SLC13A4: variants seen among roughly 807,000 people sequenced by gnomAD.
SLC13A4 encodes Na(+)/sulfate cotransporter SUT-1.
Under a neutral mutation model 72.7 loss-of-function variants are expected in SLC13A4, and 28 were observed. The observed-to-expected ratio is 0.39, with a 90% confidence interval of 0.29 to 0.53. SLC13A4 has a LOEUF of 0.53. Among genes scored for constraint, SLC13A4 ranks in the 20% least tolerant of loss-of-function variants. SLC13A4 has a pLI of 0.78. For synonymous variants in SLC13A4, 312 were observed against 325.5 expected, an observed-to-expected ratio of 0.96 and a Z score of 0.45; for missense variants, 653 against 788.0, an observed-to-expected ratio of 0.83 and a Z score of 2.05.
intron 14 of SLC13A4, among the ~76,000 whole-genome samples, chr7:135,684,646 GT>G (rs534173554): frequency 0.053 from 7,075 of 132,392 alleles, 187 homozygotes; most frequent in Middle Eastern, 0.11. Flanking sequence ...AACTAAGGTG[GT>G]TTTTTTTTTT....
rs202242542 is a variant in SLC13A4, at chr7:135,682,907, AG to A, written c.1747-1208del. On this transcript the variant is annotated intron_variant, in intron 15 of 15. Coordinates refer to ENST00000682651, the MANE Select transcript of SLC13A4 (RefSeq NM_001318192.2). ...GGTAGAGCTCAGCGTGAGCAGACTG[AG>A]GGTTACGCAGTAAGATGGGAGGGGA... Among the ~76,000 whole-genome samples the A allele has an allele frequency of 4.5e-4, 69 of 152,250 alleles. 1 individual carries two copies. The East Asian group carries it at 0.012, about 26-fold the overall frequency.
intron 15 of SLC13A4, chr7:135,683,420 G>T (rs1795549938): frequency 1.0e-6 from 1 of 983,900 alleles, no homozygotes; most frequent in African/African-American, 1.8e-5. Context: ...AACAAATTTG[G>T]CTCCCATGAA....
intron 15 of SLC13A4, chr7:135,683,326 GA>G: frequency 3.3e-5 from 11 of 332,820 alleles, no homozygotes; most frequent in Non-Finnish European, 4.1e-5. Flanking sequence ...AAAAAAAAAG[GA>G]TAAAAAAGGA....
intron 7 of SLC13A4, among the ~76,000 whole-genome samples, chr7:135,699,934 CAG>C (rs1446553842): frequency 6.6e-6 from 1 of 152,136 alleles, no homozygotes; most frequent in East Asian, 1.9e-4. Flanking sequence ...GAATAACAAA[CAG>C]ATGTTATTCC....
intron 1 of SLC13A4, among the ~76,000 whole-genome samples, chr7:135,724,870 C>G (rs1313144849): frequency 6.6e-6 from 1 of 152,150 alleles, no homozygotes; most frequent in African/African-American, 2.4e-5. Flanking sequence ...AGGAGGTAAG[C>G]TTGTATTCAG....
At chr7:135,726,323 G>A (rs538698721) in intron 1 of SLC13A4, among the ~76,000 whole-genome samples, 4 of 152,280 alleles carry the variant, frequency 2.6e-5, no homozygotes, top group African/African-American at 7.2e-5. Context: ...CGTCTCCCTG[G>A]CACTCTGGAG....
intron 1 of SLC13A4, among the ~76,000 whole-genome samples, chr7:135,725,944 G>A (rs749206529): frequency 2.0e-5 from 3 of 152,162 alleles, no homozygotes; most frequent in Non-Finnish European, 4.4e-5. Context: ...ACTCCGGACT[G>A]GGTGACAGAG....
rs1471915506 is a variant in SLC13A4, at chr7:135,692,305, G to A, written c.1223+18C>T. The A allele has an allele frequency of 1.9e-6, 3 of 1,573,956 alleles. No individual in the cohort carries two copies. Among genetic ancestry groups the A allele is most frequent in the Middle Eastern group, 1.7e-4 (1 of 5,992 alleles). ...GGGGTGAGGGGGTTGTTCTTAAGGAGGAAATGATATCACTTACTTTTCAAA... is the reference window on the plus strand; with the variant it reads ...GGGGTGAGGGGGTTGTTCTTAAGGAAGAAATGATATCACTTACTTTTCAAA... On this transcript the variant is annotated intron_variant, in intron 11 of 15. Coordinates refer to ENST00000682651, the MANE Select transcript of SLC13A4 (RefSeq NM_001318192.2).
At chr7:135,712,282 T>G (rs1796321499) in intron 2 of SLC13A4, among the ~76,000 whole-genome samples, 1 of 151,908 alleles carries the variant, frequency 6.6e-6, no homozygotes, top group Non-Finnish European at 1.5e-5. Context: ...ATGTCTTTCC[T>G]GCTCCCTTGT....
chr7:135,712,626 G>A (rs907902466), intron 2 of SLC13A4, among the ~76,000 whole-genome samples: 3 of 152,204 alleles, frequency 2.0e-5, no homozygotes, highest in African/African-American at 7.2e-5. Flanking sequence ...TAAAGGCTGA[G>A]CTGGTTTGAG....
intron 2 of SLC13A4, among the ~76,000 whole-genome samples, chr7:135,721,035 T>C (rs1168882832): frequency 6.6e-6 from 1 of 152,172 alleles, no homozygotes; most frequent in African/African-American, 2.4e-5. Context: ...TTTGTGTGCT[T>C]ATCGTCTAAA....
intron 14 of SLC13A4, 124 bp from the exon 15 acceptor site, chr7:135,684,385 G>A (rs1440687941): frequency 8.8e-7 from 1 of 1,136,536 alleles, no homozygotes; most frequent in African/African-American, 1.6e-5. Context: ...TATGTGGAGG[G>A]GTAGTTAGGT....
chr7:135,724,968 G>A (rs973828258), intron 1 of SLC13A4, among the ~76,000 whole-genome samples: 1 of 152,138 alleles, frequency 6.6e-6, no homozygotes, highest in Non-Finnish European at 1.5e-5. Flanking sequence ...CAATTCACGT[G>A]GGCTGAACTG....
intron 13 of SLC13A4, among the ~76,000 whole-genome samples, chr7:135,686,064 T>C (rs992598620): frequency 1.3e-5 from 2 of 152,236 alleles, no homozygotes; most frequent in African/African-American, 4.8e-5. Context: ...GATTCGACAA[T>C]GCCCTTCACA....
At chr7:135,723,020 C>A (rs1014292268) in intron 1 of SLC13A4, among the ~76,000 whole-genome samples, 5 of 152,168 alleles carry the variant, frequency 3.3e-5, no homozygotes, top group African/African-American at 1.2e-4. Flanking sequence ...GAGCAGCATC[C>A]CTGGTCTCTA....
chr7:135,696,192 G>T (rs1394491186), intron 8 of SLC13A4, among the ~76,000 whole-genome samples: 1 of 151,982 alleles, frequency 6.6e-6, no homozygotes, highest in Non-Finnish European at 1.5e-5. Context: ...TTTGGGGCTG[G>T]GCGTAAAACT....
chr7:135,707,899 C>T, intron 3 of SLC13A4: 1 of 518,446 alleles, frequency 1.9e-6, no homozygotes, highest in Non-Finnish European at 3.3e-6. Context: ...TGGGTAAATT[C>T]TTTGGATAAT....
chr7:135,698,008 C>CT (rs762674683), intron 8 of SLC13A4, among the ~76,000 whole-genome samples: 120 of 152,148 alleles, frequency 7.9e-4, no homozygotes, highest in Non-Finnish European at 1.5e-3. Flanking sequence ...TGATTTCCCC[C>CT]TTTTTTTCCT....
At position 135,727,585 on chromosome 7, in the gene SLC13A4, C is replaced by G; in HGVS notation, c.-89G>C. ...GGGCACTGCTCTCTATCCAGAAAGA[C>G]TTCTTAAACCTTTCTTGGCTTCCGA... On this transcript the variant is annotated 5_prime_UTR_variant, in exon 1 of 16. Transcript: ENST00000682651. 1 of 1,433,460 alleles carries G rather than the reference C, an allele frequency of 7.0e-7. No individual in the cohort carries two copies. The allele number at this position is 1,433,460 out of a possible 1,614,324, so 88.8% of individuals were successfully genotyped here. A position where few individuals can be genotyped will look rare whatever the true frequency, so the allele number is the denominator to read the frequency against.
Sources: allele counts gnomAD v4.1 joint callset (sites outside exome capture counted in the v4.1 genomes callset), GRCh38; gene constraint gnomAD v4.1.1; transcripts MANE v1.5; gene names NCBI Gene and HGNC (gene_info 2026-07-23, HGNC 2026-07-21).